XRN1: variants seen among roughly 807,000 people sequenced by gnomAD.
XRN1 encodes 5'-3' exoribonuclease 1.
XRN1 carries 67 observed loss-of-function variants against 222.3 expected under a neutral mutation model. The observed-to-expected ratio is 0.30, with a 90% CI of 0.25 to 0.37. The LOEUF (loss-of-function observed/expected upper bound fraction) is 0.37, where lower values mean the gene tolerates loss of function less well. XRN1 is among the 10% of genes least tolerant of loss of function. XRN1 has a pLI of 1.00. For missense variants in XRN1, 1,707 were observed against 2,000.2 expected (o/e 0.85, Z 2.80); for synonymous variants, 643 against 652.4 (o/e 0.99, Z 0.22).
At chr3:142,334,767 TACACACACACAC>T (rs761753366) in intron 34 of XRN1, among the ~76,000 whole-genome samples, 2 of 90,350 alleles carry the variant, frequency 2.2e-5, no homozygotes, top group African/African-American at 3.5e-5. Flanking sequence ...TGTCTATGTA[TACACACACACAC>T]ACACACACAC....
intron 1 of XRN1, among the ~76,000 whole-genome samples, chr3:142,445,283 C>CTCATT (rs1287745032): frequency 6.6e-6 from 1 of 151,994 alleles, no homozygotes; most frequent in Non-Finnish European, 1.5e-5. Context: ...CATGTCTTAC[C>CTCATT]TCATTTTCTT....
At chr3:142,320,731 A>G (rs2065330904) in intron 37 of XRN1, among the ~76,000 whole-genome samples, 1 of 152,088 alleles carries the variant, frequency 6.6e-6, no homozygotes, top group Non-Finnish European at 1.5e-5. Context: ...TATATTCCAG[A>G]TATTTTTTAT....
chr3:142,443,604 A>G (rs749347934), intron 1 of XRN1, among the ~76,000 whole-genome samples: 3 of 152,256 alleles, frequency 2.0e-5, no homozygotes, highest in Non-Finnish European at 2.9e-5. Flanking sequence ...CTCCTTTTGT[A>G]TGGGAGCTCT....
At chr3:142,417,040 A>G in intron 13 of XRN1, 100 bp downstream of exon 13, 2 of 763,782 alleles carry the variant, frequency 2.6e-6, no homozygotes, top group Non-Finnish European at 3.9e-6. Flanking sequence ...AAAAAAAATT[A>G]CCATAAGTAG....
At chr3:142,445,157 TC>T (rs2070450279) in intron 1 of XRN1, among the ~76,000 whole-genome samples, 1 of 152,212 alleles carries the variant, frequency 6.6e-6, no homozygotes, top group South Asian at 2.1e-4. Flanking sequence ...TCAAATGGTA[TC>T]ATTTGCTCGT....
At position 142,400,469 on chromosome 3, in the gene XRN1, C is replaced by G; in HGVS notation, c.2182G>C (p.Val728Leu). ...NWPHLEEARVVAVSDGETKFY... is the reference protein window; with the variant it reads ...NWPHLEEARVLAVSDGETKFY... ...TTAGTTTCTCCATCTGATACAGCCA[C>G]GACTCTAGCTTCCTCAAGGTGAGGC... The change falls in exon 19 of 41, where the codon GTG becomes CTG. Residue 728 changes from valine to leucine, a missense_variant. By Grantham distance (32) the Val-to-Leu change is conservative. Coordinates refer to ENST00000392981, the MANE Select transcript of XRN1 (RefSeq NM_001282857.2). 1.9e-6 allele frequency: 3 copies of G among 1,612,150 alleles called. No individual in the cohort carries two copies. Among genetic ancestry groups the G allele is most frequent in the Non-Finnish European group, 2.5e-6 (3 of 1,178,986 alleles).
At chr3:142,312,528 T>C (rs2065104830) in intron 40 of XRN1, 70 bp downstream of exon 40, 2 of 1,398,012 alleles carry the variant, frequency 1.4e-6, no homozygotes, top group Admixed American at 2.7e-5. Flanking sequence ...GTAAACTGAA[T>C]AAAAAAATGT....
At chr3:142,446,705 T>C (rs551730474) in intron 1 of XRN1, among the ~76,000 whole-genome samples, 26 of 152,356 alleles carry the variant, frequency 1.7e-4, no homozygotes, top group African/African-American at 5.5e-4. Context: ...ATTTCTGCAA[T>C]GTACTGGTTT....
chr3:142,421,198 T>C (rs2069017975), intron 9 of XRN1, 45 bp from the exon 10 acceptor site: 1 of 1,458,144 alleles, frequency 6.9e-7, no homozygotes, highest in Admixed American at 2.6e-5. Context: ...TTTAAGTATA[T>C]CTAGAAGAAT....
intron 12 of XRN1, 74 bp downstream of exon 12, chr3:142,418,430 A>G (rs1465119281): frequency 8.0e-7 from 1 of 1,250,750 alleles, no homozygotes; most frequent in African/African-American, 1.5e-5. Flanking sequence ...CTACTTCATC[A>G]AAATCATATT....
At chr3:142,319,038 C>T (rs1187759173) in intron 37 of XRN1, 135 bp from the exon 38 acceptor site, 1 of 745,186 alleles carries the variant, frequency 1.3e-6, no homozygotes, top group Non-Finnish European at 2.1e-6. Context: ...TTTCAATTGC[C>T]AGGCAAAAAT....
Position 142,310,352 on chromosome 3 carries a change from T to C in XRN1, c.*1159A>G, listed in dbSNP as rs769015063. ...ATAAATATATATATATATATAAACA[T>C]AGGCCCTGCTGAGAAATCGTCATAA... On this transcript the variant is annotated 3_prime_UTR_variant, in exon 41 of 41. Coordinates refer to ENST00000392981, the MANE Select transcript of XRN1 (RefSeq NM_001282857.2). 1.3e-5 allele frequency: 2 copies of C among 152,308 alleles called. No individual in the cohort carries two copies. Among genetic ancestry groups the C allele is most frequent in the South Asian group, 2.1e-4 (1 of 4,824 alleles). 9.4% of individuals were successfully genotyped at this position (152,308 alleles called of 1,614,324 possible).
chr3:142,308,376 T>C lies in XRN1; in HGVS notation c.*3135A>G, dbSNP rs1026089342. On this transcript the variant is annotated 3_prime_UTR_variant, in exon 41 of 41. Transcript: ENST00000392981. ...TAAAATGAAAGCAGGTACCTGATCA[T>C]AGAAAGAAACAATAAAAAAACTTGC... The C allele has an allele frequency of 1.3e-5, 2 of 152,096 alleles. No homozygotes were observed. Among genetic ancestry groups the C allele is most frequent in the African/African-American group, 2.4e-5 (1 of 41,428 alleles). The allele number at this position is 152,096 out of a possible 1,614,324, so 9.4% of individuals were successfully genotyped here.
chr3:142,382,916 G>C (rs2067354703), intron 22 of XRN1, among the ~76,000 whole-genome samples: 1 of 151,930 alleles, frequency 6.6e-6, no homozygotes, highest in Non-Finnish European at 1.5e-5. Context: ...ATATTTGCAT[G>C]TACCTTTTTC....
intron 1 of XRN1, among the ~76,000 whole-genome samples, chr3:142,438,485 T>C (rs920601156): frequency 6.6e-6 from 1 of 152,114 alleles, no homozygotes; most frequent in African/African-American, 2.4e-5. Context: ...AGAATAAGCA[T>C]TAGGCCCTTA....
At chr3:142,430,498 T>A (rs2069476831) in intron 2 of XRN1, among the ~76,000 whole-genome samples, 1 of 152,176 alleles carries the variant, frequency 6.6e-6, no homozygotes, top group African/African-American at 2.4e-5. Flanking sequence ...ATTTGAGAAT[T>A]TAAATATTAC....
At position 142,432,752 on chromosome 3, in the gene XRN1, G is replaced by A. The variant is rs775148010; in HGVS notation, c.217C>T (p.Arg73Cys). 2.3e-5 allele frequency: 37 copies of A among 1,613,464 alleles called. No individual in the cohort carries two copies. Among genetic ancestry groups the A allele is most frequent in the Admixed American group, 3.3e-5 (2 of 59,948 alleles). Residue 73 changes from arginine (R) to cysteine (C), a missense_variant, in exon 2 of 41, where the codon CGC becomes TGC. By Grantham distance (180) the Arg-to-Cys change is radical. Transcript: ENST00000392981. ...DIFHYLEVLF[R>C]IIKPRKVFFM... Reference sequence around the variant, plus strand: ...AACACTTTCCTGGGTTTAATAATGCGAAACAACACCTCCAGGTAGTGAAAA... The same window carrying A: ...AACACTTTCCTGGGTTTAATAATGCAAAACAACACCTCCAGGTAGTGAAAA...
At chr3:142,417,424 T>C (rs1462026050) in intron 12 of XRN1, among the ~76,000 whole-genome samples, 195 bp from the exon 13 acceptor site, 1 of 152,222 alleles carries the variant, frequency 6.6e-6, no homozygotes, top group East Asian at 1.9e-4. Flanking sequence ...ATGACAGTTT[T>C]CCTAAACCAA....
chr3:142,404,818 C>G, intron 16 of XRN1, 89 bp downstream of exon 16: 3 of 1,250,950 alleles, frequency 2.4e-6, no homozygotes, highest in Non-Finnish European at 3.4e-6. Flanking sequence ...ATTCTCCAAA[C>G]AGATATTCAA....
Sources: gnomAD v4.1 joint callset for allele counts (sites outside exome capture counted in the v4.1 genomes callset) on GRCh38, gnomAD v4.1.1 for gene constraint, MANE v1.5 for transcripts, NCBI Gene and HGNC (gene_info 2026-07-23, HGNC 2026-07-21) for gene names.